The following DSN1 variants were observed in gnomAD, a reference collection of about 807,000 sequenced individuals.
The protein encoded by DSN1 is kinetochore-associated protein DSN1 homolog.
DSN1 carries 31 observed loss-of-function variants against 45.7 expected under a neutral mutation model. The ratio of observed to expected loss-of-function variants is 0.68; its 90% CI spans 0.51 to 0.92. The LOEUF (loss-of-function observed/expected upper bound fraction) is 0.92. DSN1 is among the 40% of genes least tolerant of loss of function. The pLI is 0.00. For missense variants in DSN1, 394 were observed against 414.2 expected (o/e 0.95, Z 0.42); for synonymous variants, 134 against 142.3 (o/e 0.94, Z 0.41).
Position 36,755,776 on chromosome 20 carries a change from A to G in DSN1, c.779T>C (p.Leu260Pro), listed in dbSNP as rs1986638224. The stretch of plus-strand genomic sequence containing the variant: ...AAGAACTTCATTCTGAGAAGACCCA[A>G]GATATGTCATAGGTTCCACTTTGAC... The part of the protein sequence containing the change: ...TEVKVEPMTY[L>P]GSSQNEVLNT... Residue 260 changes from leucine to proline, a missense_variant, in exon 9 of 11, where the codon CTT (leucine) becomes CCT (proline). Physicochemically the swap from Leu to Pro is moderately conservative, Grantham distance 98. Coordinates refer to ENST00000373750, the MANE Select transcript of DSN1 (RefSeq NM_001145315.2). The G allele has an allele frequency of 4.3e-6, 7 of 1,613,964 alleles. No individual in the cohort carries two copies. The highest frequency in any genetic ancestry group is 5.9e-6 in the Non-Finnish European group (7 of 1,180,010).
chr20:36,770,578 G>A (rs540113428), intron 3 of DSN1, among the ~76,000 whole-genome samples: 2 of 152,316 alleles, frequency 1.3e-5, no homozygotes, highest in East Asian at 3.9e-4. Flanking sequence ...TAAGTAGTAA[G>A]CCAGGTGCAG....
chr20:36,770,999 A>T lies in DSN1; in HGVS notation c.229T>A (p.Ser77Thr), dbSNP rs1268132341. Reference sequence around the variant, plus strand: ...TGTTCTTGAGGAGACAAATGAAGGGACTTCGACTGAAGTCTTTCCTGGTGG... The same window carrying T: ...TGTTCTTGAGGAGACAAATGAAGGGTCTTCGACTGAAGTCTTTCCTGGTGG... ...LSHQERLQSK[S>T]LHLSPQEQSA... The change falls in exon 3 of 11, where the codon TCC becomes ACC. Residue 77 changes from serine (S) to threonine (T), a missense_variant. Coordinates refer to ENST00000373750, the MANE Select transcript of DSN1 (RefSeq NM_001145315.2). 1.9e-6 allele frequency: 3 copies of T among 1,614,030 alleles called. No individual in the cohort carries two copies. The highest frequency in any genetic ancestry group is 2.5e-6 in the Non-Finnish European group (3 of 1,180,028).
intron 3 of DSN1, among the ~76,000 whole-genome samples, chr20:36,768,444 G>A (rs912480284): frequency 6.6e-5 from 10 of 152,320 alleles, no homozygotes; most frequent in South Asian, 4.1e-4. Flanking sequence ...TCCAGAGGCT[G>A]AGGCATGAGA....
chr20:36,764,918 T>TC (rs915246852), intron 5 of DSN1, among the ~76,000 whole-genome samples: 8 of 127,264 alleles, frequency 6.3e-5, no homozygotes, highest in Admixed American at 4.2e-4. Flanking sequence ...AGACTCCATC[T>TC]CAAAAAAAAA....
Position 36,768,000 on chromosome 20 carries a change from C to T in DSN1, c.398G>A (p.Arg133Gln), listed in dbSNP as rs757135566. The T allele has an allele frequency of 9.9e-6, 16 of 1,613,926 alleles. No homozygotes were observed. The highest frequency in any genetic ancestry group is 1.7e-5 in the Admixed American group (1 of 59,976). Residue 133 changes from arginine to glutamine, a missense_variant, in exon 4 of 11, where the codon CGG becomes CAG. Arg to Gln is a conservative substitution (Grantham distance 43). Transcript: ENST00000373750. ...ACTGGAAAGCAGGAGACAGCCAAGC[C>T]GTTTGCTTTCTGCTAAATCGACACT... ...SISVDLAESK[R>Q]LGCLLLSSFQ...
At position 36,773,327 on chromosome 20, in the gene DSN1, G is replaced by A. The variant is rs954661775; in HGVS notation, c.-16+335C>T. 3 of 972,118 alleles carry A rather than the reference G, an allele frequency of 3.1e-6. No homozygotes were observed. In the African/African-American group the frequency reaches 5.3e-5, roughly 17 times the overall value. The allele number at this position is 972,118 out of a possible 1,614,324, so 60.2% of individuals were successfully genotyped here. A position where few individuals can be genotyped will look rare whatever the true frequency, so the allele number is the denominator to read the frequency against. On this transcript the variant is annotated intron_variant, in intron 1 of 10. Transcript: ENST00000373750. Reference sequence around the variant, plus strand: ...CAGAGGGGCAAAAAGCCTGGCCCAAGCTTGTGACACAGCCAGCCTGGGGGC... The same window carrying A: ...CAGAGGGGCAAAAAGCCTGGCCCAAACTTGTGACACAGCCAGCCTGGGGGC...
intron 5 of DSN1, among the ~76,000 whole-genome samples, chr20:36,764,656 C>T (rs1226752044): frequency 3.3e-5 from 5 of 152,186 alleles, no homozygotes; most frequent in Non-Finnish European, 7.3e-5. Context: ...CATGGTGGCT[C>T]GCGCCTATAA....
At chr20:36,754,114 G>A (rs1374982015) in intron 10 of DSN1, among the ~76,000 whole-genome samples, 3 of 152,070 alleles carry the variant, frequency 2.0e-5, no homozygotes, top group Non-Finnish European at 4.4e-5. Context: ...GATCACTTGA[G>A]CCCAGGAGTT....
In DSN1 at chr20:36,766,782, A is replaced by T. The variant is rs1308146768; in HGVS notation, c.489T>A (p.Ser163Arg). ...LRDTKGFSLE[S>R]FRAKASSLSE... Reference sequence around the variant, plus strand: ...TTAGCAACTTACCTTTGGCTCTAAAACTTTCAAGACTGAAGCCCTTAGTGT... The same window carrying T: ...TTAGCAACTTACCTTTGGCTCTAAATCTTTCAAGACTGAAGCCCTTAGTGT... Residue 163 changes from serine (S) to arginine (R), a missense_variant, in exon 5 of 11, where the codon AGT (serine) becomes AGA (arginine). By Grantham distance (110) the Ser-to-Arg change is moderately radical (BLOSUM62 -1). Coordinates refer to ENST00000373750, the MANE Select transcript of DSN1 (RefSeq NM_001145315.2). The T allele has an allele frequency of 6.2e-7, 1 of 1,610,910 alleles. No individual in the cohort carries two copies.
At chr20:36,761,065 C>A (rs1986954642) in intron 6 of DSN1, among the ~76,000 whole-genome samples, 1 of 152,152 alleles carries the variant, frequency 6.6e-6, no homozygotes, top group African/African-American at 2.4e-5. Context: ...GTTAGTCTCA[C>A]CCCTACAGAG....
In DSN1 at chr20:36,758,550, T is replaced by C; in HGVS notation, c.650+8A>G. 1 of 1,596,566 alleles carries C rather than the reference T, an allele frequency of 6.3e-7. No individual in the cohort carries two copies. Among genetic ancestry groups the C allele is most frequent in the Non-Finnish European group, 8.5e-7 (1 of 1,174,508 alleles). On this transcript the variant is annotated splice_region_variant and intron_variant, in intron 7 of 10. Transcript: ENST00000373750. ...CGAATTTAGATTTTCTAACAAAGGT[T>C]AACTTACTTTGTTATGTATTCCTTC...
intron 3 of DSN1, among the ~76,000 whole-genome samples, chr20:36,768,783 A>G (rs771967147): frequency 3.9e-5 from 6 of 152,186 alleles, no homozygotes; most frequent in Non-Finnish European, 5.9e-5. Flanking sequence ...CAAATGGGAA[A>G]ACTGCAGCTC....
At chr20:36,758,387 T>C (rs571196735) in intron 7 of DSN1, among the ~76,000 whole-genome samples, 171 bp downstream of exon 7, 2 of 152,350 alleles carry the variant, frequency 1.3e-5, no homozygotes, top group East Asian at 1.9e-4. Flanking sequence ...TTCTATGAAA[T>C]TGATCATTAG....
chr20:36,754,817 GCAGCTGTTT>G lies in DSN1; in HGVS notation c.898_906del (p.Lys300_Leu302del), dbSNP rs771126508. On this transcript the variant is annotated inframe_deletion, in exon 10 of 11. Transcript: ENST00000373750. ...TGGGTACTTTCATCCATAAAGGCCTGCAGCTGTTTCACTGATCCTTGCAGTTCATCCATC... is the reference window on the plus strand; with the variant it reads ...TGGGTACTTTCATCCATAAAGGCCTGCACTGATCCTTGCAGTTCATCCATC... 8.1e-6 allele frequency: 13 copies of G among 1,613,958 alleles called. No individual in the cohort carries two copies. Among genetic ancestry groups the G allele is most frequent in the Non-Finnish European group, 1.0e-5 (12 of 1,179,892 alleles).
rs769049955 is a variant in DSN1 at position 36,755,737 on chromosome 20, T to G, written c.818A>C (p.Asp273Ala). The G allele has an allele frequency of 6.2e-7, 1 of 1,614,120 alleles. No homozygotes were observed. The highest frequency in any genetic ancestry group is 1.3e-5 in the African/African-American group (1 of 75,040). ...SQNEVLNTKPDYQKILQNQSK... is the reference protein window; with the variant it reads ...SQNEVLNTKPAYQKILQNQSK... ...CTGGTTCTGTAATATTTTCTGGTAG[T>G]CAGGTTTTGTATTAAGAACTTCATT... is the stretch of plus-strand genomic sequence containing the variant. Residue 273 changes from aspartate to alanine, a missense_variant, in exon 9 of 11, where the codon GAC becomes GCC. Physicochemically the swap from Asp to Ala is moderately radical, Grantham distance 126. Transcript: ENST00000373750.
chr20:36,758,427 C>A, intron 7 of DSN1, 131 bp downstream of exon 7: 2 of 776,010 alleles, frequency 2.6e-6, no homozygotes, highest in East Asian at 5.4e-5. Flanking sequence ...AATATGCAGC[C>A]TTCTAACTTC....
intron 5 of DSN1, among the ~76,000 whole-genome samples, chr20:36,765,563 C>T (rs1347379795): frequency 6.6e-6 from 1 of 151,572 alleles, no homozygotes; most frequent in Non-Finnish European, 1.5e-5. Context: ...GTAATCCTAG[C>T]ACTTTGGAAG....
chr20:36,754,985 T>G lies in DSN1; in HGVS notation c.874-135A>C, dbSNP rs552679007. Reference sequence around the variant, plus strand: ...GCCTGGAATGCTTATGCCAGATAATTCTGTTTGTTCCTCCAAAGTCACACC... The same window carrying G: ...GCCTGGAATGCTTATGCCAGATAATGCTGTTTGTTCCTCCAAAGTCACACC... On this transcript the variant is annotated intron_variant, in intron 9 of 10. Coordinates refer to ENST00000373750, the MANE Select transcript of DSN1 (RefSeq NM_001145315.2). 55 of 701,778 alleles carry G rather than the reference T, an allele frequency of 7.8e-5. 1 individual carries two copies. The East Asian group carries it at 8.8e-4, about 11-fold the overall frequency. The allele number at this position is 701,778 out of a possible 1,614,324, so 43.5% of individuals were successfully genotyped here.
intron 4 of DSN1, 97 bp downstream of exon 4, chr20:36,767,872 A>G: frequency 7.9e-7 from 1 of 1,267,652 alleles, no homozygotes; most frequent in Middle Eastern, 1.9e-4. Flanking sequence ...ACTGCACTCC[A>G]GCCTGGGTGA....
Sources: allele counts gnomAD v4.1 joint callset (sites outside exome capture counted in the v4.1 genomes callset), GRCh38; gene constraint gnomAD v4.1.1; transcripts MANE v1.5; gene names NCBI Gene and HGNC (gene_info 2026-07-23, HGNC 2026-07-21).